Variants in CADM2 observed in about 807,000 individuals in gnomAD.
CADM2 encodes cell adhesion molecule 2.
Under a neutral mutation model 49.8 loss-of-function variants are expected in CADM2, and 12 were observed. The ratio of observed to expected loss-of-function variants is 0.24; its 90% confidence interval spans 0.15 to 0.39. CADM2 has a LOEUF of 0.39. Among genes scored for constraint, CADM2 ranks in the 10% least tolerant of loss-of-function variants. The probability of loss-of-function intolerance (pLI) is 1.00; values close to 1 mark genes in which losing one functional copy is unlikely to be tolerated. For missense variants in CADM2, 378 were observed against 492.3 expected, an observed-to-expected ratio of 0.77 and a Z score of 2.20; for synonymous variants, 214 against 175.4, an observed-to-expected ratio of 1.22 and a Z score of -1.74.
At chr3:85,672,849 A>G (rs1294470765) in intron 1 of CADM2, among the ~76,000 whole-genome samples, 1 of 152,170 alleles carries the variant, frequency 6.6e-6, no homozygotes, top group Non-Finnish European at 1.5e-5. Flanking sequence ...TTTCATTTTT[A>G]TTTAACCATC....
At chr3:85,611,800 G>C (rs904445250) in intron 1 of CADM2, among the ~76,000 whole-genome samples, 1 of 151,452 alleles carries the variant, frequency 6.6e-6, no homozygotes, top group African/African-American at 2.4e-5. Flanking sequence ...AAATGTGTGT[G>C]TGTTGAGGGA....
chr3:85,442,400 A>G (rs1230890523), intron 1 of CADM2, among the ~76,000 whole-genome samples: 1 of 151,882 alleles, frequency 6.6e-6, no homozygotes. Flanking sequence ...CAGACTATCA[A>G]AAATCCTGCA....
intron 1 of CADM2, among the ~76,000 whole-genome samples, chr3:85,637,571 C>T (rs1461022174): frequency 5.5e-5 from 7 of 127,110 alleles, no homozygotes; most frequent in Admixed American, 4.1e-4. Flanking sequence ...CACTGCAGTC[C>T]GCAGTCCGGC....
At chr3:85,150,288 G>A (rs532736274) in intron 1 of CADM2, among the ~76,000 whole-genome samples, 28 of 152,268 alleles carry the variant, frequency 1.8e-4, no homozygotes, top group Non-Finnish European at 3.2e-4. Context: ...AAGAATAAAG[G>A]ACAGTCAGAG....
At chr3:85,619,154 CTG>C (rs1470830870) in intron 1 of CADM2, among the ~76,000 whole-genome samples, 1 of 152,066 alleles carries the variant, frequency 6.6e-6, no homozygotes, top group Non-Finnish European at 1.5e-5. Context: ...ATTTTGGACA[CTG>C]TAACTGTGGA....
At chr3:85,106,330 A>T (rs146611814) in intron 1 of CADM2, among the ~76,000 whole-genome samples, 8 of 152,236 alleles carry the variant, frequency 5.3e-5, no homozygotes, top group African/African-American at 1.2e-4. Flanking sequence ...AGGGCAATAA[A>T]GCTAATAGTA....
At chr3:85,809,016 G>T (rs1559672812) in intron 3 of CADM2, among the ~76,000 whole-genome samples, 1 of 152,084 alleles carries the variant, frequency 6.6e-6, no homozygotes, top group Non-Finnish European at 1.5e-5. Flanking sequence ...CTTTATTAAA[G>T]ATTAACTGAG....
At chr3:85,780,265 C>A (rs1351313602) in intron 2 of CADM2, among the ~76,000 whole-genome samples, 1 of 152,110 alleles carries the variant, frequency 6.6e-6, no homozygotes, top group Middle Eastern at 3.2e-3. Context: ...ATACTACTGA[C>A]CTTAAAATAG....
intron 1 of CADM2, among the ~76,000 whole-genome samples, chr3:85,465,529 T>C (rs1415835346): frequency 1.3e-5 from 2 of 152,148 alleles, no homozygotes. Flanking sequence ...CATGTCACTA[T>C]TTTTGTGAGT....
chr3:85,288,312 T>C (rs2043687027), intron 1 of CADM2, among the ~76,000 whole-genome samples: 1 of 152,104 alleles, frequency 6.6e-6, no homozygotes, highest in African/African-American at 2.4e-5. Flanking sequence ...AATCTTGCTT[T>C]GTAGGACAAT....
rs2039705413 is a variant in CADM2, at chr3:85,145,336, T to G, written c.61+185668T>G. Among the ~76,000 whole-genome samples the G allele has an allele frequency of 2.6e-5, 4 of 152,188 alleles. No homozygotes were observed. The South Asian group carries it at 8.3e-4, about 31-fold the overall frequency. On this transcript the variant is annotated intron_variant, in intron 1 of 9. Transcript: ENST00000383699. The stretch of plus-strand genomic sequence containing the variant: ...AATGCCATGCACAGATTAAGCAACA[T>G]AGTCTAATTCCATCTATCCATCCAA...
intron 5 of CADM2, among the ~76,000 whole-genome samples, chr3:85,900,320 G>A (rs1292739223): frequency 6.6e-6 from 1 of 151,988 alleles, no homozygotes; most frequent in African/African-American, 2.4e-5. Flanking sequence ...GCTTGTTTAA[G>A]GTTTATGAGA....
intron 1 of CADM2, among the ~76,000 whole-genome samples, chr3:85,001,528 G>C (rs896517194): frequency 4.6e-5 from 7 of 151,910 alleles, no homozygotes; most frequent in Non-Finnish European, 1.0e-4. Context: ...TACAAAATAG[G>C]TTCAAAGATC....
chr3:85,404,964 G>A (rs762458746), intron 1 of CADM2, among the ~76,000 whole-genome samples: 4 of 152,048 alleles, frequency 2.6e-5, no homozygotes, highest in African/African-American at 9.7e-5. Context: ...TTATATTCAT[G>A]GTAGATATAT....
chr3:85,713,246 C>A (rs571788273), intron 1 of CADM2, among the ~76,000 whole-genome samples: 1 of 152,192 alleles, frequency 6.6e-6, no homozygotes, highest in Non-Finnish European at 1.5e-5. Flanking sequence ...TACAGGCACC[C>A]GCTGCCACGC....
At chr3:85,355,112 G>A (rs1448729490) in intron 1 of CADM2, among the ~76,000 whole-genome samples, 1 of 152,056 alleles carries the variant, frequency 6.6e-6, no homozygotes, top group Non-Finnish European at 1.5e-5. Flanking sequence ...CTGTGATTTG[G>A]CCAAAACCAA....
At chr3:85,936,508 C>A (rs545486555) in intron 7 of CADM2, among the ~76,000 whole-genome samples, 3 of 151,822 alleles carry the variant, frequency 2.0e-5, no homozygotes, top group South Asian at 4.1e-4. Flanking sequence ...TATTTAAATT[C>A]TATTTGAAAG....
chr3:85,308,851 G>A lies in CADM2; in HGVS notation c.61+349183G>A, dbSNP rs567935072. On this transcript the variant is annotated intron_variant, in intron 1 of 9. Coordinates refer to ENST00000383699, the MANE Select transcript of CADM2 (RefSeq NM_001167675.2). Reference sequence around the variant, plus strand: ...CCTACCAAGTAAGATAGGCAACTACGTCTCCAAGGCTTTCTTCCTTACTAC... The same window carrying A: ...CCTACCAAGTAAGATAGGCAACTACATCTCCAAGGCTTTCTTCCTTACTAC... Among the ~76,000 whole-genome samples the A allele has an allele frequency of 5.9e-5, 9 of 152,104 alleles. No individual in the cohort carries two copies. In the East Asian group the frequency reaches 1.2e-3, roughly 20 times the overall value.
intron 1 of CADM2, among the ~76,000 whole-genome samples, chr3:85,721,321 A>C (rs2067495197): frequency 6.6e-6 from 1 of 152,146 alleles, no homozygotes; most frequent in African/African-American, 2.4e-5. Context: ...CTGAATATGA[A>C]GTTGTTATGG....
Sources: allele counts gnomAD v4.1 joint callset (sites outside exome capture counted in the v4.1 genomes callset), GRCh38; gene constraint gnomAD v4.1.1; transcripts MANE v1.5; gene names NCBI Gene and HGNC (gene_info 2026-07-23, HGNC 2026-07-21).